Variants in RERE observed in about 807,000 individuals in gnomAD.
RERE encodes the protein arginine-glutamic acid dipeptide repeats protein.
A neutral mutation model predicts 146.1 loss-of-function variants in RERE; 40 were observed. The ratio of observed to expected loss-of-function variants is 0.27; its 90% CI spans 0.21 to 0.36. The LOEUF (loss-of-function observed/expected upper bound fraction) is 0.36. Among genes scored for constraint, RERE ranks in the 10% least tolerant of loss-of-function variants. RERE has a pLI of 1.00. For synonymous variants in RERE, 1,003 were observed against 866.0 expected, an observed-to-expected ratio of 1.16 and a Z score of -2.78; for missense variants, 1,933 against 2,138.7, an observed-to-expected ratio of 0.90 and a Z score of 1.90.
chr1:8,743,523 A>C (rs540190208), intron 1 of RERE, among the ~76,000 whole-genome samples: 1 of 151,504 alleles, frequency 6.6e-6, no homozygotes, highest in South Asian at 2.1e-4. Flanking sequence ...GGCCTCCCAA[A>C]GTGCTGGGAT....
intron 12 of RERE, among the ~76,000 whole-genome samples, chr1:8,400,923 C>T (rs1204446497): frequency 1.4e-4 from 19 of 140,422 alleles, no homozygotes; most frequent in African/African-American, 4.7e-4. Context: ...AAGACTGAAG[C>T]GGGAGCATCA....
chr1:8,489,923 GC>G (rs1488713138), intron 10 of RERE, among the ~76,000 whole-genome samples: 1 of 151,964 alleles, frequency 6.6e-6, no homozygotes, highest in Non-Finnish European at 1.5e-5. Flanking sequence ...GGTGGCGAGT[GC>G]CTGTAGTCCC....
At chr1:8,798,392 C>G (rs571250859) in intron 1 of RERE, 1 of 152,026 alleles carries the variant, frequency 6.6e-6, no homozygotes, top group Non-Finnish European at 1.5e-5. Context: ...CAGAGCAAGA[C>G]TCCGTCTCAA....
intron 4 of RERE, among the ~76,000 whole-genome samples, chr1:8,603,873 G>A (rs1188705861): frequency 2.0e-5 from 3 of 147,402 alleles, no homozygotes; most frequent in South Asian, 2.1e-4. Context: ...CAGAGAGGCC[G>A]AGGCTGTAGT....
intron 10 of RERE, 52 bp from the exon 11 acceptor site, chr1:8,466,075 C>A: frequency 6.8e-7 from 1 of 1,467,118 alleles, no homozygotes; most frequent in Non-Finnish European, 9.4e-7. Flanking sequence ...ACAGACAGGA[C>A]ACAATCGATC....
chr1:8,359,648 C>CTA, intron 19 of RERE, 116 bp downstream of exon 19: 1 of 1,166,318 alleles, frequency 8.6e-7, no homozygotes, highest in East Asian at 2.3e-5. Context: ...ACCCAACCCT[C>CTA]TAGCTGCCAG....
At position 8,364,412 on chromosome 1, in the gene RERE, TCCC is replaced by T. The variant is rs1641716752; in HGVS notation, c.1541-160_1541-158del. Among the ~76,000 whole-genome samples the T allele has an allele frequency of 1.3e-5, 2 of 151,640 alleles. No homozygotes were observed. The highest frequency in any genetic ancestry group is 2.1e-4 in the South Asian group (1 of 4,794). On this transcript the variant is annotated intron_variant, in intron 14 of 22. Coordinates refer to ENST00000400908, the MANE Select transcript of RERE (RefSeq NM_001042681.2). The surrounding 1 kb of genome is among the most constrained non-coding windows in gnomAD (Gnocchi z 5.1). ...CACCCCAGGGCTAGTGCTGCCCTGC[TCCC>T]CCAAGGCCAGGAGAGGGTTTCAGGG...
At chr1:8,554,465 T>C (rs767916646) in intron 6 of RERE, among the ~76,000 whole-genome samples, 6 of 151,704 alleles carry the variant, frequency 4.0e-5, no homozygotes, top group Non-Finnish European at 7.4e-5. Context: ...AGTGGGTGGA[T>C]TGCTTAAGTT....
chr1:8,499,860 C>G (rs1276791118), intron 8 of RERE, among the ~76,000 whole-genome samples: 3 of 152,198 alleles, frequency 2.0e-5, no homozygotes, highest in Non-Finnish European at 4.4e-5. Context: ...TGGCTCACGC[C>G]TGTAATCCCA....
At chr1:8,535,136 C>T (rs1214344204) in intron 7 of RERE, among the ~76,000 whole-genome samples, 3 of 152,002 alleles carry the variant, frequency 2.0e-5, no homozygotes, top group East Asian at 1.9e-4. Flanking sequence ...CATAATAATA[C>T]TCCATTGCTA....
chr1:8,591,385 A>G (rs1203552036), intron 4 of RERE, among the ~76,000 whole-genome samples: 1 of 151,814 alleles, frequency 6.6e-6, no homozygotes, highest in Non-Finnish European at 1.5e-5. Context: ...TTGACCACCC[A>G]TTGACAGTGA....
At chr1:8,777,719 T>C (rs1303612776) in intron 1 of RERE, among the ~76,000 whole-genome samples, 1 of 151,092 alleles carries the variant, frequency 6.6e-6, no homozygotes, top group Admixed American at 6.6e-5. Context: ...ATTTTTTTAG[T>C]AGAGACGTGG....
chr1:8,718,935 T>A (rs1470486971), intron 1 of RERE, among the ~76,000 whole-genome samples: 2 of 152,180 alleles, frequency 1.3e-5, no homozygotes, highest in African/African-American at 2.4e-5. Context: ...AACCGTGTCA[T>A]CTTGGACTCT....
intron 6 of RERE, among the ~76,000 whole-genome samples, chr1:8,549,889 A>C (rs1446752862): frequency 2.6e-5 from 4 of 152,222 alleles, no homozygotes; most frequent in Admixed American, 2.6e-4. Flanking sequence ...TAATATTTAC[A>C]ATACCAAGGA....
intron 7 of RERE, among the ~76,000 whole-genome samples, chr1:8,516,133 A>G (rs1441735752): frequency 6.6e-6 from 1 of 150,912 alleles, no homozygotes; most frequent in African/African-American, 2.5e-5. Context: ...GCTGAGGCAG[A>G]AAAATTGCTC....
Position 8,610,459 on chromosome 1 carries a change from G to C in RERE, c.522+4102C>G, listed in dbSNP as rs527939882. On this transcript the variant is annotated intron_variant, in intron 4 of 22. Coordinates refer to ENST00000400908, the MANE Select transcript of RERE (RefSeq NM_001042681.2). ...CAAAACTTAGCCAGGCATGGTGGTG[G>C]ACGCCTGTAATCCCAGCTACTCCAG... 3.9e-5 allele frequency among the ~76,000 whole-genome samples: 6 copies of C among 152,076 alleles called. No homozygotes were observed. In the South Asian group the frequency reaches 1.2e-3, roughly 32 times the overall value.
chr1:8,449,160 T>C (rs150002997), intron 11 of RERE, among the ~76,000 whole-genome samples: 6 of 152,304 alleles, frequency 3.9e-5, no homozygotes, highest in Non-Finnish European at 7.3e-5. Flanking sequence ...CAGAAACATT[T>C]TGTGGCCTAA....
chr1:8,455,022 C>A (rs1396657787), intron 11 of RERE, among the ~76,000 whole-genome samples: 1 of 151,942 alleles, frequency 6.6e-6, no homozygotes, highest in Non-Finnish European at 1.5e-5. Context: ...AATGAGTTTT[C>A]CATATAGGAA....
At chr1:8,805,613 C>T (rs1439180800) in intron 1 of RERE, among the ~76,000 whole-genome samples, 1 of 148,740 alleles carries the variant, frequency 6.7e-6, no homozygotes, top group South Asian at 2.1e-4. Context: ...TGCACCACTG[C>T]GCTCTACCCT....
Sources: allele counts gnomAD v4.1 joint callset (sites outside exome capture counted in the v4.1 genomes callset), GRCh38; gene constraint gnomAD v4.1.1; non-coding constraint Gnocchi (gnomAD v3.1); transcripts MANE v1.5; gene names NCBI Gene and HGNC (gene_info 2026-07-23, HGNC 2026-07-21).